Variants in CLCN1 observed in about 807,000 individuals in gnomAD.
The protein encoded by CLCN1 is chloride voltage-gated channel 1.
In CLCN1, 100 loss-of-function variants were observed where a neutral mutation model predicts 114.5. That is an observed-to-expected ratio of 0.87 (90% CI 0.74 to 1.03). CLCN1 has a LOEUF of 1.03. Among genes scored for constraint, CLCN1 ranks in the 50% least tolerant of loss-of-function variants. The probability of loss-of-function intolerance (pLI) is 0.00; values close to 1 mark genes in which losing one functional copy is unlikely to be tolerated. For missense variants in CLCN1, 1,188 were observed against 1,250.0 expected, an observed-to-expected ratio of 0.95 and a Z score of 0.75; for synonymous variants, 485 against 487.1, an observed-to-expected ratio of 1.00 and a Z score of 0.06.
At chr7:143,317,897 A>G (rs1460799664) in intron 1 of CLCN1, among the ~76,000 whole-genome samples, 1 of 152,020 alleles carries the variant, frequency 6.6e-6, no homozygotes, top group Non-Finnish European at 1.5e-5. Flanking sequence ...ACTCGTGTAC[A>G]TGGTTGTATC....
chr7:143,341,230 TA>T (rs111274385), intron 14 of CLCN1, among the ~76,000 whole-genome samples: 13,653 of 144,864 alleles, frequency 0.094, 1,943 homozygotes, highest in African/African-American at 0.31. Context: ...AAGCCCAAGG[TA>T]AAAAAAAAAA....
chr7:143,342,263 T>G, intron 15 of CLCN1, 109 bp from the exon 16 acceptor site: 1 of 1,477,682 alleles, frequency 6.8e-7, no homozygotes, highest in Non-Finnish European at 9.4e-7. Context: ...TATATTCTCA[T>G]GCACCTAGTA....
At chr7:143,331,791 T>C (rs1802731535) in intron 10 of CLCN1, 139 bp downstream of exon 10, 1 of 706,700 alleles carries the variant, frequency 1.4e-6, no homozygotes, top group Admixed American at 2.1e-5. Context: ...GATATTGTGG[T>C]TAGGGGGTGA....
rs367629551 is a variant in CLCN1 at position 143,321,516 on chromosome 7, G to A, written c.562+23G>A. On this transcript the variant is annotated intron_variant, in intron 4 of 22. Transcript: ENST00000343257. The surrounding 1 kb of genome is among the most constrained non-coding windows in gnomAD (Gnocchi z 4.2). ...TTGGTGAGAACTTGCCACCAGACTC[G>A]GCCTGAGCTGGGTGGCCTGAGAGGG... 9.6e-5 allele frequency: 155 copies of A among 1,613,772 alleles called. 1 individual carries two copies. The African/African-American group carries it at 1.6e-3, about 17-fold the overall frequency.
chr7:143,332,682 G>A (rs1802759153), intron 11 of CLCN1, 42 bp from the exon 12 acceptor site: 16 of 1,612,446 alleles, frequency 9.9e-6, no homozygotes, highest in Non-Finnish European at 1.2e-5. Flanking sequence ...AAGCACAGGA[G>A]TTCCCTGGAG....
In CLCN1 at chr7:143,351,655, G is replaced by C. The variant is rs868113642; in HGVS notation, c.2657G>C (p.Ser886Thr). The change falls in exon 23 of 23, where the codon AGC becomes ACC. Residue 886 changes from serine to threonine, a missense_variant. Physicochemically the swap from Ser to Thr is moderately conservative, Grantham distance 58. Transcript: ENST00000343257. ...SGVQLRPPLA[S>T]FRNTTSTRKS... ...GTGCAGCTCCGCCCTCCCCTTGCCA[G>C]CTTCCGGAACACGACTTCAACTCGA... 1.9e-6 allele frequency: 3 copies of C among 1,614,044 alleles called. No homozygotes were observed. Among genetic ancestry groups the C allele is most frequent in the African/African-American group, 1.3e-5 (1 of 74,904 alleles).
chr7:143,345,779 G>T lies in CLCN1; in HGVS notation c.2172+17G>T. On this transcript the variant is annotated intron_variant, in intron 17 of 22. Coordinates refer to ENST00000343257, the MANE Select transcript of CLCN1 (RefSeq NM_000083.3). Reference sequence around the variant, plus strand: ...AAGAGCGAGGTGACCGCGCCGGGAAGGGCTAGGGAGTGGGATAGATCAGGA... The same window carrying T: ...AAGAGCGAGGTGACCGCGCCGGGAATGGCTAGGGAGTGGGATAGATCAGGA... 6.2e-7 allele frequency: 1 copy of T among 1,607,540 alleles called. No individual in the cohort carries two copies.
Position 143,316,115 on chromosome 7 carries a change from G to A in CLCN1, c.-98G>A, listed in dbSNP as rs1343010198. The A allele has an allele frequency of 4.1e-6, 4 of 965,886 alleles. No individual in the cohort carries two copies. The African/African-American group carries it at 4.8e-5, about 12-fold the overall frequency. The allele number at this position is 965,886 out of a possible 1,614,324, so 59.8% of individuals were successfully genotyped here. On this transcript the variant is annotated 5_prime_UTR_variant, in exon 1 of 23. Coordinates refer to ENST00000343257, the MANE Select transcript of CLCN1 (RefSeq NM_000083.3). ...TGGAGGTGGGCATGCTGCCCCAGAC[G>A]CCTTGGGGACAGCAAGAGCAGAGGC...
At chr7:143,320,569 C>T in intron 2 of CLCN1, 95 bp from the exon 3 acceptor site, 1 of 774,744 alleles carries the variant, frequency 1.3e-6, no homozygotes. Context: ...CTCTCTCTCT[C>T]TCTCTCTCTC....
At chr7:143,343,734 TTTTC>T (rs749819376) in intron 16 of CLCN1, among the ~76,000 whole-genome samples, 81 of 152,026 alleles carry the variant, frequency 5.3e-4, no homozygotes, top group Non-Finnish European at 1.0e-3. Context: ...CTTTCCTTCT[TTTTC>T]TTTCTTTCTC....
At chr7:143,331,128 G>T in intron 8 of CLCN1, 104 bp from the exon 9 acceptor site, 1 of 1,054,540 alleles carries the variant, frequency 9.5e-7, no homozygotes. Flanking sequence ...GGAGAAACTG[G>T]GATTGGAGGA....
chr7:143,342,682 A>G (rs1350663266), intron 16 of CLCN1, among the ~76,000 whole-genome samples, 177 bp downstream of exon 16: 1 of 152,112 alleles, frequency 6.6e-6, no homozygotes, highest in Non-Finnish European at 1.5e-5. Context: ...AAATGCAATT[A>G]AAAGGTCCTG....
intron 12 of CLCN1, among the ~76,000 whole-genome samples, chr7:143,336,284 A>C (rs1802886364): frequency 6.6e-6 from 1 of 151,782 alleles, no homozygotes; most frequent in Non-Finnish European, 1.5e-5. Flanking sequence ...AGTTCCCTGA[A>C]ATTGAGTGTT....
At position 143,339,766 on chromosome 7, in the gene CLCN1, T is replaced by C. The variant is rs1803030147; in HGVS notation, c.1582+145T>C. On this transcript the variant is annotated intron_variant, in intron 14 of 22. Coordinates refer to ENST00000343257, the MANE Select transcript of CLCN1 (RefSeq NM_000083.3). The surrounding 1 kb of genome is among the most constrained non-coding windows in gnomAD (Gnocchi z 4.1). ...TAACTCAACTTTTACTCAGATAACA[T>C]ACCCATGGCTCTGACTCTCATTATT... is the stretch of plus-strand genomic sequence containing the variant. The C allele has an allele frequency of 1.5e-6, 1 of 680,272 alleles. No homozygotes were observed. The highest frequency in any genetic ancestry group is 1.8e-5 in the African/African-American group (1 of 56,304). The allele number at this position is 680,272 out of a possible 1,614,324, so 42.1% of individuals were successfully genotyped here.
intron 1 of CLCN1, among the ~76,000 whole-genome samples, chr7:143,319,451 G>A (rs1332186892): frequency 1.3e-5 from 2 of 152,192 alleles, no homozygotes; most frequent in Admixed American, 6.5e-5. Context: ...GCACAGTTCT[G>A]TACCTCTGCT....
In CLCN1 at chr7:143,344,000, C is replaced by T. The variant is rs193177237; in HGVS notation, c.1930+1495C>T. ...GGATTACAGGAATGCACCACCATGC[C>T]CAGCTAATTTTGTATTTTTAGTAGA... is the stretch of plus-strand genomic sequence containing the variant. On this transcript the variant is annotated intron_variant, in intron 16 of 22. Transcript: ENST00000343257. Among the ~76,000 whole-genome samples the T allele has an allele frequency of 2.0e-4, 31 of 152,222 alleles. No homozygotes were observed. The East Asian group carries it at 5.4e-3, about 27-fold the overall frequency.
intron 1 of CLCN1, among the ~76,000 whole-genome samples, 180 bp downstream of exon 1, chr7:143,316,572 A>C (rs2116830020): frequency 6.6e-6 from 1 of 152,368 alleles, no homozygotes; most frequent in East Asian, 1.9e-4. Context: ...GGCTCACTTA[A>C]GTATGCACTT....
At chr7:143,325,515 G>A (rs1004322720) in intron 7 of CLCN1, among the ~76,000 whole-genome samples, 1 of 152,326 alleles carries the variant, frequency 6.6e-6, no homozygotes, top group East Asian at 1.9e-4. Flanking sequence ...TTACATTTCT[G>A]TCCTCAGCTC....
rs576340533 is a variant in CLCN1, at chr7:143,345,845, T to A, written c.2172+83T>A. 12 of 1,523,368 alleles carry A rather than the reference T, an allele frequency of 7.9e-6. No individual in the cohort carries two copies. The South Asian group carries it at 1.2e-4, about 15-fold the overall frequency. 94.4% of individuals were successfully genotyped at this position (1,523,368 alleles called of 1,614,324 possible). On this transcript the variant is annotated intron_variant, in intron 17 of 22. Coordinates refer to ENST00000343257, the MANE Select transcript of CLCN1 (RefSeq NM_000083.3). Reference sequence around the variant, plus strand: ...TCGTCTGGGCTGGGCTGGGCTGGGCTGGGACAGGCGTAGTTTCCCTGAAAG... The same window carrying A: ...TCGTCTGGGCTGGGCTGGGCTGGGCAGGGACAGGCGTAGTTTCCCTGAAAG...
Sources: allele counts gnomAD v4.1 joint callset (sites outside exome capture counted in the v4.1 genomes callset), GRCh38; gene constraint gnomAD v4.1.1; non-coding constraint Gnocchi (gnomAD v3.1); transcripts MANE v1.5; gene names NCBI Gene and HGNC (gene_info 2026-07-23, HGNC 2026-07-21).